The following MINDY3 variants were observed in gnomAD, a reference collection of about 807,000 sequenced individuals.
The protein encoded by MINDY3 is ubiquitin carboxyl-terminal hydrolase MINDY-3.
Under a neutral mutation model 69.2 loss-of-function variants are expected in MINDY3, and 38 were observed. The ratio of observed to expected loss-of-function variants is 0.55; its 90% confidence interval spans 0.42 to 0.72. The LOEUF (loss-of-function observed/expected upper bound fraction) is 0.72. Ranked by LOEUF, MINDY3 falls within the 30% of genes least tolerant of loss-of-function variation. The probability of loss-of-function intolerance (pLI) is 0.00; values close to 1 mark genes in which losing one functional copy is unlikely to be tolerated. For synonymous variants in MINDY3, 192 were observed against 180.1 expected (o/e 1.07, Z -0.53); for missense variants, 522 against 519.0 (o/e 1.01, Z -0.06).
intron 8 of MINDY3, among the ~76,000 whole-genome samples, chr10:15,822,416 A>G (rs548679577): frequency 6.6e-6 from 1 of 152,312 alleles, no homozygotes; most frequent in East Asian, 1.9e-4. Flanking sequence ...CAGGGAGTTG[A>G]ATCTTGAAGC....
At chr10:15,828,011 T>C (rs1170592376) in intron 8 of MINDY3, among the ~76,000 whole-genome samples, 2 of 152,228 alleles carry the variant, frequency 1.3e-5, no homozygotes, top group African/African-American at 2.4e-5. Context: ...TGGCATTATC[T>C]ATCAAAATTT....
At chr10:15,830,956 C>T (rs75816613) in intron 8 of MINDY3, among the ~76,000 whole-genome samples, 1 of 152,088 alleles carries the variant, frequency 6.6e-6, no homozygotes, top group African/African-American at 2.4e-5. Context: ...AAGAGAATCA[C>T]ATTTAATAGC....
At chr10:15,809,409 T>A (rs1838849257) in intron 10 of MINDY3, among the ~76,000 whole-genome samples, 1 of 152,170 alleles carries the variant, frequency 6.6e-6, no homozygotes, top group African/African-American at 2.4e-5. Context: ...AATACATTTC[T>A]TTTTACCTGT....
chr10:15,843,386 A>C (rs533248746), intron 2 of MINDY3, 114 bp from the exon 3 acceptor site: 2 of 824,218 alleles, frequency 2.4e-6, no homozygotes, highest in Non-Finnish European at 4.1e-6. Flanking sequence ...TCTTTTGACT[A>C]GTTCTGTAAA....
intron 10 of MINDY3, among the ~76,000 whole-genome samples, chr10:15,811,044 C>T (rs1254584577): frequency 6.6e-6 from 1 of 151,918 alleles, no homozygotes; most frequent in Non-Finnish European, 1.5e-5. Flanking sequence ...CCAGTATTGG[C>T]AAAGATGTGG....
At chr10:15,841,940 C>CT (rs1482214646) in intron 3 of MINDY3, among the ~76,000 whole-genome samples, 1 of 151,744 alleles carries the variant, frequency 6.6e-6, no homozygotes, top group African/African-American at 2.4e-5. Context: ...GTTTCCTCTA[C>CT]TGAAGAACTG....
At chr10:15,805,068 C>T (rs1838537827) in intron 10 of MINDY3, among the ~76,000 whole-genome samples, 1 of 152,128 alleles carries the variant, frequency 6.6e-6, no homozygotes, top group African/African-American at 2.4e-5. Context: ...GAAGAAGTTT[C>T]CAACAGATGT....
chr10:15,829,063 G>A (rs1250378009), intron 8 of MINDY3, among the ~76,000 whole-genome samples: 1 of 152,136 alleles, frequency 6.6e-6, no homozygotes, highest in Admixed American at 6.5e-5. Context: ...CAAAAGCCTA[G>A]GCACCTCGTT....
chr10:15,825,166 T>G (rs1372973669), intron 8 of MINDY3, among the ~76,000 whole-genome samples: 1 of 152,118 alleles, frequency 6.6e-6, no homozygotes, highest in Admixed American at 6.5e-5. Flanking sequence ...AGAGCCAACA[T>G]GACTCTCAAA....
At chr10:15,830,243 T>G (rs1840363611) in intron 8 of MINDY3, among the ~76,000 whole-genome samples, 1 of 152,212 alleles carries the variant, frequency 6.6e-6, no homozygotes, top group African/African-American at 2.4e-5. Context: ...CAGACAAGTT[T>G]GAGAACCAGT....
At chr10:15,831,300 G>A (rs1379012025) in intron 8 of MINDY3, among the ~76,000 whole-genome samples, 1 of 152,134 alleles carries the variant, frequency 6.6e-6, no homozygotes, top group Non-Finnish European at 1.5e-5. Context: ...AATCAGCCTG[G>A]CAGTGGGAGG....
At chr10:15,827,907 A>G (rs552959991) in intron 8 of MINDY3, among the ~76,000 whole-genome samples, 15 of 152,360 alleles carry the variant, frequency 9.8e-5, no homozygotes, top group African/African-American at 3.6e-4. Context: ...TCTAAGTGTC[A>G]GGCAGGATGC....
At chr10:15,787,319 G>T (rs1304922341) in intron 12 of MINDY3, among the ~76,000 whole-genome samples, 2 of 152,152 alleles carry the variant, frequency 1.3e-5, no homozygotes, top group African/African-American at 4.8e-5. Flanking sequence ...TGACTAGAAA[G>T]AAGGAAGAAG....
At chr10:15,848,166 A>C (rs1242871438) in intron 1 of MINDY3, among the ~76,000 whole-genome samples, 1 of 152,202 alleles carries the variant, frequency 6.6e-6, no homozygotes, top group Non-Finnish European at 1.5e-5. Flanking sequence ...ACAATTTTGC[A>C]CCCAGGAACT....
chr10:15,788,481 C>CTGAACTCTTTCATTATGTTTG (rs1837149345), intron 12 of MINDY3, among the ~76,000 whole-genome samples: 1 of 152,002 alleles, frequency 6.6e-6, no homozygotes, highest in Non-Finnish European at 1.5e-5. Flanking sequence ...GTTGCTTTTG[C>CTGAACTCTTTCATTATGTTTG]TGAACTCTTT....
At chr10:15,803,100 T>C (rs994789980) in intron 10 of MINDY3, among the ~76,000 whole-genome samples, 3 of 152,184 alleles carry the variant, frequency 2.0e-5, no homozygotes, top group African/African-American at 7.2e-5. Flanking sequence ...TGGATCACTG[T>C]AGAAAATGAT....
chr10:15,850,225 C>A (rs757675271), intron 1 of MINDY3, among the ~76,000 whole-genome samples: 1 of 152,126 alleles, frequency 6.6e-6, no homozygotes, highest in Admixed American at 6.5e-5. Context: ...GCATGTATGT[C>A]GCCTCAGGAT....
At chr10:15,780,040 C>G (rs139468338) in intron 14 of MINDY3, among the ~76,000 whole-genome samples, 2 of 152,136 alleles carry the variant, frequency 1.3e-5, no homozygotes, top group African/African-American at 2.4e-5. Flanking sequence ...GAAACAGATA[C>G]AGACGACTGT....
chr10:15,845,239 C>A (rs1440864013), intron 2 of MINDY3, among the ~76,000 whole-genome samples: 2 of 151,184 alleles, frequency 1.3e-5, no homozygotes, highest in Admixed American at 6.6e-5. Context: ...TTTTATTTCA[C>A]CACTGATCTT....
Sources: allele counts gnomAD v4.1 joint callset (sites outside exome capture counted in the v4.1 genomes callset), GRCh38; gene constraint gnomAD v4.1.1; transcripts MANE v1.5; gene names NCBI Gene and HGNC (gene_info 2026-07-23, HGNC 2026-07-21).